ACACA: variants seen among roughly 807,000 people sequenced by gnomAD.
The protein encoded by ACACA is acetyl-CoA carboxylase 1.
In ACACA, 103 loss-of-function variants were observed where a neutral mutation model predicts 296.1. That is an observed-to-expected ratio of 0.35 (90% CI 0.30 to 0.41). The LOEUF (loss-of-function observed/expected upper bound fraction) is 0.41, where lower values mean the gene tolerates loss of function less well. ACACA is among the 10% of genes least tolerant of loss of function. ACACA has a pLI of 1.00. For missense variants in ACACA, 1,554 were observed against 2,989.7 expected (o/e 0.52, Z 11.20); for synonymous variants, 953 against 1,038.6 (o/e 0.92, Z 1.58).
chr17:37,158,694 G>T (rs956231312), intron 42 of ACACA, among the ~76,000 whole-genome samples: 3 of 152,028 alleles, frequency 2.0e-5, no homozygotes, highest in Non-Finnish European at 4.4e-5. Context: ...AGGAAAAGAG[G>T]AGTAGTCCAG....
At chr17:37,309,582 A>G (rs1005166597) in intron 3 of ACACA, among the ~76,000 whole-genome samples, 9 of 152,164 alleles carry the variant, frequency 5.9e-5, no homozygotes, top group African/African-American at 2.2e-4. Context: ...CAAGTGATCA[A>G]AGAGAGTGAA....
At chr17:37,150,881 G>A (rs1401204704) in intron 44 of ACACA, among the ~76,000 whole-genome samples, 1 of 151,650 alleles carries the variant, frequency 6.6e-6, no homozygotes, top group Non-Finnish European at 1.5e-5. Flanking sequence ...GTGAAACCCC[G>A]GCTCTATTAA....
At chr17:37,404,014 C>A (rs531272960) in intron 1 of ACACA, among the ~76,000 whole-genome samples, 54 of 152,322 alleles carry the variant, frequency 3.5e-4, no homozygotes, top group African/African-American at 1.2e-3. Flanking sequence ...CTCAAATGAT[C>A]CATCTGCCTT....
intron 14 of ACACA, among the ~76,000 whole-genome samples, chr17:37,255,998 C>T (rs1484384221): frequency 6.6e-6 from 1 of 152,098 alleles, no homozygotes; most frequent in Non-Finnish European, 1.5e-5. Context: ...CTGCCAGCCT[C>T]GGTCTCCCAA....
intron 3 of ACACA, among the ~76,000 whole-genome samples, chr17:37,302,382 G>A (rs560263186): frequency 2.0e-4 from 31 of 152,136 alleles, no homozygotes; most frequent in Admixed American, 3.3e-4. Context: ...GCTAATATTT[G>A]TATTTTTAGT....
chr17:37,177,121 A>G (rs946448777), intron 41 of ACACA, among the ~76,000 whole-genome samples: 3 of 152,174 alleles, frequency 2.0e-5, no homozygotes, highest in Admixed American at 2.0e-4. Context: ...CTATTAAAGC[A>G]CTGGACAAAG....
chr17:37,134,133 T>C (rs2075230562), intron 45 of ACACA, among the ~76,000 whole-genome samples: 1 of 152,180 alleles, frequency 6.6e-6, no homozygotes, highest in African/African-American at 2.4e-5. Context: ...TTGAGATACA[T>C]AAGAAGTACA....
intron 45 of ACACA, chr17:37,141,488 G>C (rs757259223): frequency 4.0e-6 from 1 of 250,136 alleles, no homozygotes; most frequent in Non-Finnish European, 8.0e-6. Flanking sequence ...GCCTGGTCTT[G>C]AACTCCTGGC....
In ACACA at chr17:37,191,141, C is replaced by T. The variant is rs767883710; in HGVS notation, c.4551G>A (p.Thr1517=). ...CNHIFLNFVP[T]VIMDPSKIEE... ...GTACCTTTGATGGGTCCATGATAAC[C>T]GTGGGCACAAAGTTGAGGAAGATGT... Residue 1517 remains threonine, a synonymous_variant, in exon 38 of 56, where the codon ACG becomes ACA. Transcript: ENST00000616317. 7.4e-6 allele frequency: 12 copies of T among 1,613,924 alleles called. No homozygotes were observed. Among genetic ancestry groups the T allele is most frequent in the South Asian group, 4.4e-5 (4 of 91,076 alleles).
rs1220323938 is a variant in ACACA, at chr17:37,088,942, G to A, written c.7024C>T (p.Arg2342Cys). 2.5e-6 allele frequency: 4 copies of A among 1,614,022 alleles called. No individual in the cohort carries two copies. Among genetic ancestry groups the A allele is most frequent in the Non-Finnish European group, 3.4e-6 (4 of 1,180,028 alleles). ...AGTTCCCCACGTTGGTCTCACCTGC[G>A]GATTTGCTTGAGGACGTAGTCTCTG... is the stretch of plus-strand genomic sequence containing the variant. ...ISRDYVLKQI[R>C]SLVQANPEVA... Residue 2342 changes from arginine (R) to cysteine (C), a missense_variant, in exon 55 of 56, where the codon CGC becomes TGC. Arg to Cys is a radical substitution (Grantham distance 180). Transcript: ENST00000616317.
At chr17:37,331,318 C>T (rs2047873744) in intron 2 of ACACA, among the ~76,000 whole-genome samples, 3 of 151,588 alleles carry the variant, frequency 2.0e-5, no homozygotes, top group Non-Finnish European at 2.9e-5. Flanking sequence ...GGGGTTTCAC[C>T]GTGTTAGCCA....
chr17:37,128,059 A>G (rs12949088), intron 47 of ACACA, among the ~76,000 whole-genome samples: 1 of 131,178 alleles, frequency 7.6e-6, no homozygotes, highest in Non-Finnish European at 1.7e-5. Flanking sequence ...AAAAAACAGT[A>G]GGAAGAAGAT....
intron 41 of ACACA, among the ~76,000 whole-genome samples, chr17:37,170,973 C>T (rs2076861453): frequency 6.6e-6 from 1 of 152,226 alleles, no homozygotes; most frequent in East Asian, 1.9e-4. Context: ...TCCATCAACT[C>T]TAGCTATGCT....
At chr17:37,402,894 G>T (rs983986813) in intron 1 of ACACA, among the ~76,000 whole-genome samples, 1 of 151,986 alleles carries the variant, frequency 6.6e-6, no homozygotes, top group Non-Finnish European at 1.5e-5. Context: ...GGATGGTCTC[G>T]ATCTCCTGAC....
chr17:37,375,470 G>A (rs770550836), intron 1 of ACACA, among the ~76,000 whole-genome samples: 27 of 151,968 alleles, frequency 1.8e-4, no homozygotes, highest in African/African-American at 5.1e-4. Context: ...CTGGGCGACC[G>A]AGCGAGACTC....
At chr17:37,288,796 G>T (rs1484548970) in intron 3 of ACACA, among the ~76,000 whole-genome samples, 1 of 152,088 alleles carries the variant, frequency 6.6e-6, no homozygotes, top group African/African-American at 2.4e-5. Flanking sequence ...CTACTTAGGA[G>T]GCTGAGGTGG....
intron 1 of ACACA, chr17:37,389,208 G>C (rs1359307460): frequency 6.5e-7 from 1 of 1,548,432 alleles, no homozygotes; most frequent in South Asian, 1.2e-5. Context: ...ATGCTTACCA[G>C]CCACTTCATA....
intron 52 of ACACA, among the ~76,000 whole-genome samples, chr17:37,108,952 G>A (rs913904175): frequency 2.0e-5 from 3 of 152,234 alleles, no homozygotes; most frequent in African/African-American, 7.2e-5. Flanking sequence ...GGAGAACACA[G>A]AGAATGAGAA....
chr17:37,276,990 C>T (rs533677156), intron 7 of ACACA, 43 bp downstream of exon 7: 1 of 1,559,434 alleles, frequency 6.4e-7, no homozygotes, highest in African/African-American at 1.4e-5. Flanking sequence ...GCAAAATTGA[C>T]AGAAAGAAAC....
Sources: gnomAD v4.1 joint callset for allele counts (sites outside exome capture counted in the v4.1 genomes callset) on GRCh38, gnomAD v4.1.1 for gene constraint, MANE v1.5 for transcripts, NCBI Gene and HGNC (gene_info 2026-07-23, HGNC 2026-07-21) for gene names.